Variants in SLC25A17 observed in about 807,000 individuals in gnomAD.
The protein encoded by SLC25A17 is solute carrier family 25 member 17.
In SLC25A17, 26 loss-of-function variants were observed where a neutral mutation model predicts 38.5. That is an observed-to-expected ratio of 0.68 (90% CI 0.50 to 0.94). SLC25A17 has a LOEUF of 0.94. Among genes scored for constraint, SLC25A17 ranks in the 40% least tolerant of loss-of-function variants. The pLI is 0.00. For synonymous variants in SLC25A17, 139 were observed against 136.2 expected (o/e 1.02, Z -0.14); for missense variants, 333 against 372.7 (o/e 0.89, Z 0.88).
At chr22:40,805,122 G>T (rs776485224) in intron 1 of SLC25A17, among the ~76,000 whole-genome samples, 7 of 152,158 alleles carry the variant, frequency 4.6e-5, no homozygotes, top group African/African-American at 7.2e-5. Context: ...ATCACTTGAG[G>T]TCAAGAGTTC....
chr22:40,814,977 G>A (rs1346562292), intron 1 of SLC25A17, among the ~76,000 whole-genome samples: 1 of 151,618 alleles, frequency 6.6e-6, no homozygotes, highest in Non-Finnish European at 1.5e-5. Context: ...CTGCCTCCAT[G>A]CCCGGCTAAT....
chr22:40,771,262 G>T (rs571833466), intron 8 of SLC25A17, among the ~76,000 whole-genome samples: 2 of 152,166 alleles, frequency 1.3e-5, no homozygotes, highest in Non-Finnish European at 2.9e-5. Context: ...CACCCGCCAC[G>T]ACACCAGGCT....
intron 1 of SLC25A17, among the ~76,000 whole-genome samples, chr22:40,814,800 TGTTG>T (rs2057621020): frequency 3.4e-5 from 5 of 147,870 alleles, no homozygotes; most frequent in Admixed American, 2.7e-4. Flanking sequence ...TTGTTGTTGT[TGTTG>T]TTGTTTTGTT....
At chr22:40,791,793 A>C (rs557575182) in intron 4 of SLC25A17, among the ~76,000 whole-genome samples, 1 of 152,324 alleles carries the variant, frequency 6.6e-6, no homozygotes, top group Admixed American at 6.5e-5. Flanking sequence ...TGTTGGTGGG[A>C]TTATAAATGT....
intron 8 of SLC25A17, among the ~76,000 whole-genome samples, 165 bp from the exon 9 acceptor site, chr22:40,771,146 C>T (rs949988001): frequency 2.0e-5 from 3 of 152,196 alleles, no homozygotes; most frequent in Non-Finnish European, 4.4e-5. Context: ...CTCGCTCTGT[C>T]GCCCAGGCTG....
chr22:40,804,602 G>A (rs577517776), intron 1 of SLC25A17, among the ~76,000 whole-genome samples: 2 of 152,192 alleles, frequency 1.3e-5, no homozygotes, highest in South Asian at 4.2e-4. Context: ...AGTTGTGTGA[G>A]TTGCTTGTAT....
intron 8 of SLC25A17, 116 bp downstream of exon 8, chr22:40,773,820 AG>A (rs2057212293): frequency 9.4e-6 from 7 of 744,088 alleles, no homozygotes; most frequent in Non-Finnish European, 1.7e-5. Flanking sequence ...AGCAAGGGAA[AG>A]GTTTTGGAGG....
chr22:40,808,623 T>G (rs556440024), intron 1 of SLC25A17, among the ~76,000 whole-genome samples: 54 of 152,358 alleles, frequency 3.5e-4, no homozygotes, highest in African/African-American at 1.3e-3. Context: ...GGTTTCCATT[T>G]CTCATGCTAC....
At chr22:40,813,259 T>C (rs539155973) in intron 1 of SLC25A17, among the ~76,000 whole-genome samples, 13 of 152,012 alleles carry the variant, frequency 8.6e-5, no homozygotes, top group African/African-American at 3.1e-4. Flanking sequence ...GGAAAGTAGC[T>C]GGGCATGGTG....
chr22:40,794,337 T>C (rs2057408986), intron 3 of SLC25A17, among the ~76,000 whole-genome samples, 177 bp downstream of exon 3: 1 of 152,114 alleles, frequency 6.6e-6, no homozygotes, highest in Non-Finnish European at 1.5e-5. Flanking sequence ...AAGAATCAAA[T>C]GCCTCACTAC....
chr22:40,772,002 C>A (rs1213551459), intron 8 of SLC25A17, among the ~76,000 whole-genome samples: 3 of 146,312 alleles, frequency 2.1e-5, no homozygotes, highest in African/African-American at 5.2e-5. Flanking sequence ...CCACAAAAAT[C>A]AAAAATTAAA....
In SLC25A17 at chr22:40,773,978, T is replaced by C; in HGVS notation, c.735A>G (p.Gly245=). The change falls in exon 8 of 9, where the codon GGA becomes GGG. Residue 245 remains glycine (G), a synonymous_variant. Coordinates refer to ENST00000435456, the MANE Select transcript of SLC25A17 (RefSeq NM_006358.4). ...GAAGATAGAGAATATTCCGAAGACT[T>C]CCCAATGTTCTGTTTTCTGGGTTTA... The part of the protein sequence containing the change: ...HRLNPENRTL[G]SLRNILYLLH... 6.2e-7 allele frequency: 1 copy of C among 1,613,466 alleles called. No individual in the cohort carries two copies. The highest frequency in any genetic ancestry group is 8.5e-7 in the Non-Finnish European group (1 of 1,179,444).
Position 40,774,033 on chromosome 22 carries a change from G to T in SLC25A17, c.694-14C>A. ...ATGACGCCCAAACTGAGGAAAGAGG[G>T]AAAAAAAACAAAAGTACTGTTGCTG... On this transcript the variant is annotated splice_polypyrimidine_tract_variant and intron_variant, in intron 7 of 8. Coordinates refer to ENST00000435456, the MANE Select transcript of SLC25A17 (RefSeq NM_006358.4). 6.5e-7 allele frequency: 1 copy of T among 1,549,702 alleles called. No homozygotes were observed. The highest frequency in any genetic ancestry group is 8.9e-7 in the Non-Finnish European group (1 of 1,126,782).
At chr22:40,795,277 A>G (rs1364307493) in intron 2 of SLC25A17, among the ~76,000 whole-genome samples, 2 of 151,398 alleles carry the variant, frequency 1.3e-5, no homozygotes, top group Admixed American at 1.3e-4. Context: ...AAAGGAAAAG[A>G]CGACAGAAAA....
intron 1 of SLC25A17, among the ~76,000 whole-genome samples, chr22:40,814,960 C>CAGT (rs2057624404): frequency 6.6e-6 from 1 of 151,930 alleles, no homozygotes. Flanking sequence ...GCTGGGACTA[C>CAGT]AGGCGCCTGC....
chr22:40,814,791 T>TATATATATATATATATATATA (rs1568991013), intron 1 of SLC25A17, among the ~76,000 whole-genome samples: 1 of 122,560 alleles, frequency 8.2e-6, no homozygotes, highest in African/African-American at 3.3e-5. Flanking sequence ...ATATATATAT[T>TATATATATATATATATATATA]GTTGTTGTTG....
At chr22:40,803,820 G>GTTTTTTTTTTTT (rs772323398) in intron 1 of SLC25A17, among the ~76,000 whole-genome samples, 1 of 117,452 alleles carries the variant, frequency 8.5e-6, no homozygotes. Context: ...GCTAGTTTTT[G>GTTTTTTTTTTTT]TTTTTTTTTT....
chr22:40,812,037 C>T lies in SLC25A17; in HGVS notation c.54+7158G>A, dbSNP rs1354415833. Among the ~76,000 whole-genome samples the T allele has an allele frequency of 2.7e-5, 4 of 149,896 alleles. No homozygotes were observed. The East Asian group carries it at 7.7e-4, about 29-fold the overall frequency. On this transcript the variant is annotated intron_variant, in intron 1 of 8. Transcript: ENST00000435456. ...TCTTTCTTTTTCTCTTTTTCTTTCT[C>T]TCTCTCTCTCTCTCTCTTTCTTTTT...
chr22:40,784,786 A>G (rs1188837116), intron 4 of SLC25A17, among the ~76,000 whole-genome samples: 4 of 41,360 alleles, frequency 9.7e-5, no homozygotes, highest in Non-Finnish European at 1.8e-4. Flanking sequence ...AACAACAACA[A>G]AAAAAAAAAA....
Sources: gnomAD v4.1 joint callset for allele counts (sites outside exome capture counted in the v4.1 genomes callset) on GRCh38, gnomAD v4.1.1 for gene constraint, MANE v1.5 for transcripts, NCBI Gene and HGNC (gene_info 2026-07-23, HGNC 2026-07-21) for gene names.